The following TTLL8 variants were observed in gnomAD, a reference collection of about 807,000 sequenced individuals.
The protein encoded by TTLL8 is tubulin tyrosine ligase like 8, also known as protein monoglycylase TTLL8.
A neutral mutation model predicts 77.8 loss-of-function variants in TTLL8; 65 were observed. The observed-to-expected ratio is 0.84, with a 90% CI of 0.68 to 1.03. The LOEUF (loss-of-function observed/expected upper bound fraction) is 1.03, where lower values mean the gene tolerates loss of function less well. Ranked by LOEUF, TTLL8 falls within the 50% of genes least tolerant of loss-of-function variation. The probability of loss-of-function intolerance (pLI) is 0.00; values close to 1 mark genes in which losing one functional copy is unlikely to be tolerated. For missense variants in TTLL8, 910 were observed against 1,004.5 expected (o/e 0.91, Z 1.27); for synonymous variants, 402 against 422.8 (o/e 0.95, Z 0.60).
rs536636350 is a variant in TTLL8, at chr22:50,051,499, G to A, written c.52-1252C>T. On this transcript the variant is annotated intron_variant, in intron 1 of 13. Transcript: ENST00000266182. ...GTGAACTGAGCTGCTGCAAACATGC[G>A]TGAGCAAGTATCTTTTTTGTATCAT... 9.8e-5 allele frequency among the ~76,000 whole-genome samples: 15 copies of A among 152,324 alleles called. No individual in the cohort carries two copies. In the South Asian group the frequency reaches 1.7e-3, roughly 17 times the overall value.
exon 4 of TTLL8, chr22:50,047,245 C>G (rs753940653): frequency 7.3e-7 from 1 of 1,367,670 alleles, no homozygotes; most frequent in Non-Finnish European, 9.8e-7. Flanking sequence ...TCAATGATGT[C>G]CCTCTTGATG....
At chr22:50,050,140 C>A in exon 2 of TTLL8, 1 of 1,367,258 alleles carries the variant, frequency 7.3e-7, no homozygotes, top group Non-Finnish European at 9.8e-7. Context: ...CCTCGACATC[C>A]GGAATGACCT....
chr22:50,023,543 G>C (rs1834328515), intron 12 of TTLL8, among the ~76,000 whole-genome samples: 1 of 151,984 alleles, frequency 6.6e-6, no homozygotes, highest in South Asian at 2.1e-4. Flanking sequence ...AAATTAGCTG[G>C]GCGTGGTAGT....
chr22:50,029,868 C>T (rs2061273688), intron 12 of TTLL8, among the ~76,000 whole-genome samples: 1 of 152,192 alleles, frequency 6.6e-6, no homozygotes, highest in Non-Finnish European at 1.5e-5. Flanking sequence ...TGGTCAGCCG[C>T]GCCCCTGCCC....
intron 2 of TTLL8, among the ~76,000 whole-genome samples, chr22:50,049,576 C>T (rs779623686): frequency 3.3e-5 from 5 of 152,096 alleles, no homozygotes; most frequent in African/African-American, 7.2e-5. Flanking sequence ...CTTGGGGGCC[C>T]GGGATTCCTG....
chr22:50,056,141 T>C (rs578001012), upstream of TTLL8, among the ~76,000 whole-genome samples: 9 of 152,166 alleles, frequency 5.9e-5, no homozygotes, highest in South Asian at 1.9e-3. This position sits in a 1 kb window ranked among gnomAD's most constrained non-coding sequence, Gnocchi z 4.1. Context: ...AAAGGAAGCA[T>C]GAAGTGACTG....
At chr22:50,026,999 C>T (rs1343563389) in intron 12 of TTLL8, among the ~76,000 whole-genome samples, 2 of 152,016 alleles carry the variant, frequency 1.3e-5, no homozygotes, top group African/African-American at 4.8e-5. Flanking sequence ...TTAGGGAGGC[C>T]GAGGTGGGTG....
intron 6 of TTLL8, among the ~76,000 whole-genome samples, chr22:50,042,031 C>T (rs1463517970): frequency 1.3e-5 from 2 of 152,218 alleles, no homozygotes; most frequent in Non-Finnish European, 2.9e-5. Flanking sequence ...AGGTGACTTC[C>T]TCCCTCCTGA....
intron 4 of TTLL8, among the ~76,000 whole-genome samples, chr22:50,046,894 C>A (rs1389750409): frequency 6.6e-6 from 1 of 152,224 alleles, no homozygotes; most frequent in African/African-American, 2.4e-5. Flanking sequence ...CCGGTGGCAG[C>A]CCCCAGTCAG....
intron 5 of TTLL8, 141 bp from the exon 8 acceptor site, chr22:50,045,530 C>T (rs1360816643): frequency 2.8e-6 from 2 of 726,650 alleles, no homozygotes; most frequent in Admixed American, 2.6e-5. Context: ...TCCCACACCC[C>T]CAGTCTGCCT....
Position 50,034,596 on chromosome 22 carries a change from G to C in TTLL8, c.922-134C>G. ...AGGCGCTCGGCTCTAGGATGGTCTG[G>C]GGCTGGCCTGGCGGGAAAGGGCTGC... On this transcript the variant is annotated intron_variant, in intron 8 of 13. Coordinates refer to ENST00000266182, the Ensembl canonical transcript of TTLL8. This position sits in a 1 kb window ranked among gnomAD's most constrained non-coding sequence, Gnocchi z 4.1. The C allele has an allele frequency of 1.0e-6, 1 of 960,308 alleles. No homozygotes were observed. The highest frequency in any genetic ancestry group is 3.1e-5 in the Admixed American group (1 of 32,532). The allele number at this position is 960,308 out of a possible 1,614,324, so 59.5% of individuals were successfully genotyped here.
Position 50,034,355 on chromosome 22 carries a change from A to C in TTLL8, c.1029T>G (p.Gly343=). The change falls in exon 9 of 14, where the codon GGT becomes GGG. Residue 343 remains glycine, a synonymous_variant. Transcript: ENST00000266182. This position sits in a 1 kb window ranked among gnomAD's most constrained non-coding sequence, Gnocchi z 4.1. ...AGGGAGCATCCGCACCAGGGGACTC[A>C]CCTCGGCCCCGGGACTTGGCCGCGG... is the stretch of plus-strand genomic sequence containing the variant. The C allele has an allele frequency of 7.3e-7, 1 of 1,365,482 alleles. No individual in the cohort carries two copies. Among genetic ancestry groups the C allele is most frequent in the Non-Finnish European group, 9.8e-7 (1 of 1,021,626 alleles). The allele number at this position is 1,365,482 out of a possible 1,614,324, so 84.6% of individuals were successfully genotyped here.
chr22:50,047,054 A>G (rs2061416770), intron 4 of TTLL8, 114 bp downstream of exon 6: 2 of 1,235,354 alleles, frequency 1.6e-6, no homozygotes, highest in Non-Finnish European at 2.1e-6. Context: ...CCTGGGATGC[A>G]CCCAGGAGGT....
chr22:50,056,049 C>G (rs1006712160), upstream of TTLL8, among the ~76,000 whole-genome samples: 3 of 152,156 alleles, frequency 2.0e-5, no homozygotes, highest in Non-Finnish European at 4.4e-5. This position sits in a 1 kb window ranked among gnomAD's most constrained non-coding sequence, Gnocchi z 4.1. Flanking sequence ...GACCTCCGGT[C>G]GTCCTCACTG....
rs549011411 is a variant in TTLL8 at position 50,041,210 on chromosome 22, G to T, written c.898C>A (p.Pro300Thr). 2 of 466,334 alleles carry T rather than the reference G, an allele frequency of 4.3e-6. No homozygotes were observed. The highest frequency in any genetic ancestry group is 4.2e-5 in the African/African-American group (2 of 47,372). 28.9% of individuals were successfully genotyped at this position (466,334 alleles called of 1,614,324 possible). Residue 300 changes from proline (P) to threonine (T), a missense_variant, in exon 8 of 14, where the codon CCC (proline) becomes ACC (threonine). This residue lies in a region of TTLL8 where 776 missense variants were observed against 926.1 expected (regional missense o/e 0.84). Coordinates refer to ENST00000266182, the Ensembl canonical transcript of TTLL8. The surrounding 1 kb of genome is among the most constrained non-coding windows in gnomAD (Gnocchi z 4.3). ...ACCTGCCTGTCTCGGGCTGTGGGGGGCTCAAATGACATCATAACCTTCTGG... is the reference window on the plus strand; with the variant it reads ...ACCTGCCTGTCTCGGGCTGTGGGGGTCTCAAATGACATCATAACCTTCTGG...
intron 1 of TTLL8, chr22:50,054,573 T>C: frequency 4.1e-6 from 1 of 242,918 alleles, no homozygotes; most frequent in Non-Finnish European, 9.4e-6. Flanking sequence ...GTGGGGAACC[T>C]ACGCAGGCAT....
upstream of TTLL8, among the ~76,000 whole-genome samples, chr22:50,057,443 G>GTGAGTCAGGTCTGGGTT (rs2061482446): frequency 1.3e-5 from 1 of 74,896 alleles, no homozygotes; most frequent in African/African-American, 6.2e-5. Context: ...GGTCTGGGTT[G>GTGAGTCAGGTCTGGGTT]GGGGTCAGGT....
At chr22:50,049,225 C>A (rs1569233516) in intron 3 of TTLL8, 24 bp downstream of exon 5, 1 of 1,367,472 alleles carries the variant, frequency 7.3e-7, no homozygotes, top group Admixed American at 1.9e-5. Flanking sequence ...CCGCAGCTGA[C>A]CATGACGCAT....
rs1177296981 is a variant in TTLL8, at chr22:50,030,944, T to C, written c.1708-19A>G. The C allele has an allele frequency of 1.5e-6, 2 of 1,312,660 alleles. No individual in the cohort carries two copies. Among genetic ancestry groups the C allele is most frequent in the Admixed American group, 4.3e-5 (2 of 46,526 alleles). The allele number at this position is 1,312,660 out of a possible 1,614,324, so 81.3% of individuals were successfully genotyped here. A position where few individuals can be genotyped will look rare whatever the true frequency, so the allele number is the denominator to read the frequency against. ...CCACCGGCTGTGGGGAAGGAACAGG[T>C]TGGGGTGCTGGGCTGTGGCCGGGAT... On this transcript the variant is annotated intron_variant, in intron 11 of 13. Transcript: ENST00000266182.
Sources: gnomAD v4.1 joint callset for allele counts (sites outside exome capture counted in the v4.1 genomes callset) on GRCh38, gnomAD v4.1.1 for gene constraint, gnomAD v4.1.1 regional missense constraint, Gnocchi (gnomAD v3.1) non-coding constraint, MANE v1.5 for transcripts, NCBI Gene and HGNC (gene_info 2026-07-23, HGNC 2026-07-21) for gene names.